HOMER2: variants seen among roughly 807,000 people sequenced by gnomAD.
HOMER2 encodes homer protein homolog 2.
A neutral mutation model predicts 47.0 loss-of-function variants in HOMER2; 27 were observed. That is an observed-to-expected ratio of 0.57 (90% CI 0.42 to 0.79). The LOEUF (loss-of-function observed/expected upper bound fraction) is 0.79. HOMER2 is among the 30% of genes least tolerant of loss of function. The pLI, the probability that HOMER2 is intolerant of heterozygous loss-of-function variation, is 0.00. For synonymous variants in HOMER2, 161 were observed against 163.8 expected (o/e 0.98, Z 0.13); for missense variants, 443 against 435.0 (o/e 1.02, Z -0.16).
chr15:82,908,636 T>C (rs2053357154), intron 1 of HOMER2, among the ~76,000 whole-genome samples: 1 of 152,132 alleles, frequency 6.6e-6, no homozygotes, highest in Non-Finnish European at 1.5e-5. Flanking sequence ...CATTGTAGGG[T>C]GGAATTCTCT....
intron 2 of HOMER2, among the ~76,000 whole-genome samples, chr15:82,879,981 A>AT (rs1207422114): frequency 6.6e-6 from 1 of 150,726 alleles, no homozygotes. Context: ...AAAATTTAAC[A>AT]TTAAAAAAAA....
intron 1 of HOMER2, among the ~76,000 whole-genome samples, chr15:82,945,893 C>A (rs1323273956): frequency 6.6e-6 from 1 of 151,970 alleles, no homozygotes; most frequent in African/African-American, 2.4e-5. Flanking sequence ...TCGCTTGAAC[C>A]CAAGAGGCGG....
intron 2 of HOMER2, among the ~76,000 whole-genome samples, chr15:82,878,773 G>A (rs570251194): frequency 2.7e-4 from 41 of 152,258 alleles, no homozygotes; most frequent in African/African-American, 9.1e-4. Flanking sequence ...GATTACAGGT[G>A]TGCACCACCA....
At chr15:82,952,013 G>C (rs2054517203) in intron 1 of HOMER2, 1 of 980,582 alleles carries the variant, frequency 1.0e-6, no homozygotes, top group South Asian at 4.7e-5. Context: ...GCCTCACCTA[G>C]GTTCCTTATA....
At chr15:82,878,928 G>A (rs1596320256) in intron 2 of HOMER2, among the ~76,000 whole-genome samples, 1 of 152,062 alleles carries the variant, frequency 6.6e-6, no homozygotes. Flanking sequence ...TGCTGGCCAT[G>A]CACAATATTT....
At chr15:82,843,511 G>A (rs1596295195) in exon 2 of HOMER2, 1 of 85,010 alleles carries the variant, frequency 1.2e-5, no homozygotes, top group Non-Finnish European at 2.4e-5. Context: ...GGCATAGGTA[G>A]CAACCATTAA....
chr15:82,892,639 A>G (rs1334653632), intron 2 of HOMER2, 46 bp downstream of exon 2: 2 of 1,413,576 alleles, frequency 1.4e-6, no homozygotes, highest in African/African-American at 1.4e-5. Context: ...ATCTTGGATG[A>G]AAGATAAGCA....
chr15:82,877,684 C>T lies in HOMER2; in HGVS notation c.163-2280G>A, dbSNP rs140644916. On this transcript the variant is annotated intron_variant, in intron 2 of 8. Transcript: ENST00000450735. ...GTACTGATGTTCATGTGCTACGGTC[C>T]AGCTGACTTTTCCTTTCTTTATAAT... Among the ~76,000 whole-genome samples, 109 of 152,278 alleles carry T rather than the reference C, an allele frequency of 7.2e-4. 4 individuals are homozygous for T. In the East Asian group the frequency reaches 0.02, roughly 28 times the overall value.
At chr15:82,975,075 A>AG (rs1297708093) in intron 1 of HOMER2, among the ~76,000 whole-genome samples, 1 of 152,144 alleles carries the variant, frequency 6.6e-6, no homozygotes, top group Non-Finnish European at 1.5e-5. Flanking sequence ...CAAAAAGAAA[A>AG]AAAAGACACA....
intron 1 of HOMER2, among the ~76,000 whole-genome samples, chr15:82,900,308 CAAAT>C (rs1364909858): frequency 2.0e-5 from 3 of 151,872 alleles, no homozygotes; most frequent in African/African-American, 7.3e-5. Context: ...TTAAAAAACC[CAAAT>C]AAATAAATAC....
chr15:82,854,599 C>G, intron 6 of HOMER2, 45 bp downstream of exon 6: 1 of 1,578,468 alleles, frequency 6.3e-7, no homozygotes, highest in Non-Finnish European at 8.6e-7. Flanking sequence ...TCTCCCACTG[C>G]CCACACCAGC....
chr15:82,859,074 T>C lies in HOMER2; in HGVS notation c.449A>G (p.His150Arg). 6.2e-7 allele frequency: 1 copy of C among 1,613,990 alleles called. No homozygotes were observed. Among genetic ancestry groups the C allele is most frequent in the South Asian group, 1.1e-5 (1 of 91,080 alleles). The change falls in exon 5 of 9, where the codon CAC becomes CGC. Residue 150 changes from histidine to arginine, a missense_variant. His to Arg is a conservative substitution (Grantham distance 29). Coordinates refer to ENST00000450735, the MANE Select transcript of HOMER2 (RefSeq NM_004839.4). Reference protein sequence around the residue: ...KASHAGPANTHLKSENDKLKI... With the variant: ...KASHAGPANTRLKSENDKLKI... Reference sequence around the variant, plus strand: ...CAGCTTGTCATTCTCAGACTTCAGGTGTGTGTTGGCTGGACCGGCGTGAGA... The same window carrying C: ...CAGCTTGTCATTCTCAGACTTCAGGCGTGTGTTGGCTGGACCGGCGTGAGA...
intron 1 of HOMER2, among the ~76,000 whole-genome samples, chr15:82,914,379 A>T (rs145649955): frequency 1.5e-5 from 2 of 129,164 alleles, no homozygotes; most frequent in Non-Finnish European, 3.4e-5. Flanking sequence ...CTCCATCTTT[A>T]AAAAAAAAAA....
chr15:82,980,336 A>G (rs779045279), intron 1 of HOMER2, among the ~76,000 whole-genome samples: 3 of 152,164 alleles, frequency 2.0e-5, no homozygotes, highest in Non-Finnish European at 2.9e-5. Context: ...GTACCAGGCA[A>G]CTAGGGACCA....
exon 2 of HOMER2, chr15:82,841,346 A>G (rs962342946): frequency 2.0e-5 from 3 of 152,200 alleles, no homozygotes; most frequent in Non-Finnish European, 2.9e-5. Context: ...GAGAAAAGCC[A>G]GTTGATCATC....
At chr15:82,843,942 T>A (rs1054381558) in exon 2 of HOMER2, 1 of 152,220 alleles carries the variant, frequency 6.6e-6, no homozygotes, top group South Asian at 2.1e-4. Context: ...TTATTTTTTT[T>A]ATTCATGCTA....
intron 4 of HOMER2, among the ~76,000 whole-genome samples, chr15:82,859,538 G>C (rs1354875898): frequency 6.6e-6 from 1 of 152,142 alleles, no homozygotes; most frequent in African/African-American, 2.4e-5. Flanking sequence ...GAAGCCACAA[G>C]GGAGGAGGGA....
chr15:82,882,648 CAGA>C (rs1782536161), intron 2 of HOMER2, among the ~76,000 whole-genome samples: 1 of 152,202 alleles, frequency 6.6e-6, no homozygotes, highest in Admixed American at 6.5e-5. Context: ...CAACTGCTTC[CAGA>C]AGGAGGAGAG....
chr15:82,982,015 A>G (rs940652184), intron 1 of HOMER2, among the ~76,000 whole-genome samples: 1 of 152,220 alleles, frequency 6.6e-6, no homozygotes, highest in Non-Finnish European at 1.5e-5. Flanking sequence ...TGTTACATAT[A>G]TTTTACCACA....
Sources: allele counts gnomAD v4.1 joint callset (sites outside exome capture counted in the v4.1 genomes callset), GRCh38; gene constraint gnomAD v4.1.1; transcripts MANE v1.5; gene names NCBI Gene and HGNC (gene_info 2026-07-23, HGNC 2026-07-21).